Variants in CADM2 observed in about 807,000 individuals in gnomAD.
CADM2 encodes the protein cell adhesion molecule 2, also known as immunoglobulin superfamily member 4D.
CADM2 carries 12 observed loss-of-function variants against 49.8 expected under a neutral mutation model. That is an observed-to-expected ratio of 0.24 (90% CI 0.15 to 0.39). CADM2 has a LOEUF of 0.39. CADM2 is among the 10% of genes least tolerant of loss of function. The pLI is 1.00. For synonymous variants in CADM2, 214 were observed against 175.4 expected (o/e 1.22, Z -1.74); for missense variants, 378 against 492.3 (o/e 0.77, Z 2.20).
chr3:85,292,402 T>G (rs2043825502), intron 1 of CADM2, among the ~76,000 whole-genome samples: 1 of 150,704 alleles, frequency 6.6e-6, no homozygotes, highest in African/African-American at 2.4e-5. Flanking sequence ...TCAACAAGGA[T>G]ACCCAGGAAT....
intron 1 of CADM2, among the ~76,000 whole-genome samples, chr3:85,531,716 C>A (rs901009647): frequency 6.6e-6 from 1 of 151,932 alleles, no homozygotes; most frequent in African/African-American, 2.4e-5. Flanking sequence ...TTCCCCCAGT[C>A]TAAAAATATA....
intron 1 of CADM2, among the ~76,000 whole-genome samples, chr3:85,584,978 G>A (rs1383905316): frequency 3.9e-5 from 6 of 151,940 alleles, no homozygotes; most frequent in Non-Finnish European, 5.9e-5. Context: ...CTTTAGCCGC[G>A]GTTTCACTTT....
intron 1 of CADM2, among the ~76,000 whole-genome samples, chr3:85,402,936 C>A (rs1338264380): frequency 6.6e-6 from 1 of 151,948 alleles, no homozygotes; most frequent in Non-Finnish European, 1.5e-5. Flanking sequence ...GATATACAGT[C>A]CATCTATTTT....
At chr3:85,834,739 GAA>G (rs61595691) in intron 3 of CADM2, among the ~76,000 whole-genome samples, 8 of 140,486 alleles carry the variant, frequency 5.7e-5, no homozygotes, top group Admixed American at 1.4e-4. Context: ...TCTTCTTGGG[GAA>G]AAAAAAAAAA....
intron 1 of CADM2, among the ~76,000 whole-genome samples, chr3:85,540,757 A>G (rs2061519369): frequency 1.3e-5 from 2 of 152,174 alleles, no homozygotes; most frequent in African/African-American, 4.8e-5. Context: ...ATACTGGATA[A>G]CTTAAACAAC....
At chr3:85,834,650 G>C (rs541216039) in intron 3 of CADM2, among the ~76,000 whole-genome samples, 1 of 151,406 alleles carries the variant, frequency 6.6e-6, no homozygotes, top group South Asian at 2.1e-4. Flanking sequence ...TTGTGCAAAG[G>C]AATCTGTTGA....
chr3:85,367,227 AAC>A (rs2032853212), intron 1 of CADM2, among the ~76,000 whole-genome samples: 1 of 152,082 alleles, frequency 6.6e-6, no homozygotes, highest in Admixed American at 6.5e-5. Context: ...AACCTAAGTC[AAC>A]ATTTATTTAT....
intron 1 of CADM2, among the ~76,000 whole-genome samples, chr3:85,186,463 T>C (rs1360738245): frequency 6.6e-6 from 1 of 152,192 alleles, no homozygotes; most frequent in Admixed American, 6.5e-5. Context: ...AACTTGTAGA[T>C]ACATTTTAAC....
At chr3:85,095,978 TC>T (rs1407214273) in intron 1 of CADM2, among the ~76,000 whole-genome samples, 2 of 152,066 alleles carry the variant, frequency 1.3e-5, no homozygotes, top group Non-Finnish European at 2.9e-5. Flanking sequence ...GCTCCAAGTC[TC>T]TAGGGTTTCT....
intron 8 of CADM2, among the ~76,000 whole-genome samples, chr3:86,005,474 C>T (rs541799295): frequency 6.6e-6 from 1 of 151,538 alleles, no homozygotes; most frequent in Non-Finnish European, 1.5e-5. Context: ...TTGCTGGAAC[C>T]CAGGAGGCAG....
chr3:85,071,931 G>T (rs1008947174), intron 1 of CADM2, among the ~76,000 whole-genome samples: 1 of 150,656 alleles, frequency 6.6e-6, no homozygotes, highest in East Asian at 1.9e-4. Flanking sequence ...ACAGTCATGG[G>T]GCATAGGATT....
chr3:85,370,012 T>C (rs879362415), intron 1 of CADM2, among the ~76,000 whole-genome samples: 5 of 151,794 alleles, frequency 3.3e-5, no homozygotes, highest in South Asian at 2.1e-4. Flanking sequence ...AGAGAAGATA[T>C]GTTTATCCAA....
chr3:85,031,675 C>A (rs938053813), intron 1 of CADM2, among the ~76,000 whole-genome samples: 2 of 151,944 alleles, frequency 1.3e-5, no homozygotes, highest in African/African-American at 4.8e-5. Flanking sequence ...CCACCACGCC[C>A]GGCTAATTTT....
chr3:85,447,952 A>G (rs2037547098), intron 1 of CADM2, among the ~76,000 whole-genome samples: 2 of 152,156 alleles, frequency 1.3e-5, no homozygotes, highest in Non-Finnish European at 2.9e-5. Flanking sequence ...GACCCTTTCT[A>G]TGTGGCAGAT....
intron 1 of CADM2, among the ~76,000 whole-genome samples, chr3:85,382,232 T>G (rs1484425349): frequency 6.6e-6 from 1 of 152,184 alleles, no homozygotes; most frequent in Non-Finnish European, 1.5e-5. Context: ...CTGATCATTC[T>G]AGGCTAAGGA....
chr3:85,890,833 A>G (rs1714332157), intron 5 of CADM2, among the ~76,000 whole-genome samples: 1 of 152,158 alleles, frequency 6.6e-6, no homozygotes, highest in Non-Finnish European at 1.5e-5. Context: ...AGTAGGTGGT[A>G]GGACACTTTG....
chr3:85,788,823 G>A (rs2071161368), intron 2 of CADM2, among the ~76,000 whole-genome samples: 2 of 151,820 alleles, frequency 1.3e-5, no homozygotes, highest in African/African-American at 4.8e-5. Flanking sequence ...AAAAAATTCT[G>A]TATTTGAAAT....
intron 1 of CADM2, among the ~76,000 whole-genome samples, chr3:85,202,247 C>T (rs1020336546): frequency 6.6e-6 from 1 of 152,076 alleles, no homozygotes; most frequent in African/African-American, 2.4e-5. Flanking sequence ...CACAAATTAT[C>T]TTAATGGCAT....
At chr3:85,685,719 G>A (rs997389019) in intron 1 of CADM2, among the ~76,000 whole-genome samples, 1 of 150,594 alleles carries the variant, frequency 6.6e-6, no homozygotes, top group African/African-American at 2.4e-5. Context: ...CACCTCCCAG[G>A]TTCAAGCAAT....
Sources: allele counts gnomAD v4.1 joint callset (sites outside exome capture counted in the v4.1 genomes callset), GRCh38; gene constraint gnomAD v4.1.1; transcripts MANE v1.5; gene names NCBI Gene and HGNC (gene_info 2026-07-23, HGNC 2026-07-21).